RMDN2: variants seen among roughly 807,000 people sequenced by gnomAD.
RMDN2 encodes the protein regulator of microtubule dynamics protein 2.
Under a neutral mutation model 52.8 loss-of-function variants are expected in RMDN2, and 61 were observed. That is an observed-to-expected ratio of 1.16 (90% CI 0.94 to 1.43). The LOEUF is 1.43. Ranked by LOEUF, RMDN2 falls within the 40% of genes most tolerant of loss-of-function variation. RMDN2 has a pLI of 0.00. For synonymous variants in RMDN2, 180 were observed against 153.1 expected (o/e 1.18, Z -1.30); for missense variants, 592 against 475.3 (o/e 1.25, Z -2.28).
chr2:38,001,279 C>T (rs549232067), intron 8 of RMDN2, among the ~76,000 whole-genome samples: 40 of 152,294 alleles, frequency 2.6e-4, no homozygotes, highest in Admixed American at 6.5e-4. Flanking sequence ...ACTTGGATAG[C>T]CAAGACAAAT....
intron 10 of RMDN2, among the ~76,000 whole-genome samples, chr2:38,007,405 G>T (rs1325021849): frequency 6.6e-6 from 1 of 152,204 alleles, no homozygotes; most frequent in South Asian, 2.1e-4. Context: ...TCTGTTAAGA[G>T]ATTCAACTTC....
intron 4 of RMDN2, among the ~76,000 whole-genome samples, chr2:37,975,979 G>T (rs984303930): frequency 6.6e-6 from 1 of 152,170 alleles, no homozygotes; most frequent in Non-Finnish European, 1.5e-5. Flanking sequence ...ACAGGCAGAG[G>T]ACAAGTGTCT....
intron 2 of RMDN2, among the ~76,000 whole-genome samples, chr2:37,955,358 C>T (rs953865828): frequency 6.6e-6 from 1 of 151,988 alleles, no homozygotes; most frequent in African/African-American, 2.4e-5. Flanking sequence ...TATGTCGAAG[C>T]AGTTAATTTT....
At chr2:37,992,394 C>T (rs1402845188) in intron 7 of RMDN2, among the ~76,000 whole-genome samples, 1 of 152,194 alleles carries the variant, frequency 6.6e-6, no homozygotes, top group East Asian at 1.9e-4. Flanking sequence ...ATGATTACAA[C>T]ACTCAAATTT....
chr2:37,924,348 G>A (rs1231452331), upstream of RMDN2, among the ~76,000 whole-genome samples: 1 of 152,170 alleles, frequency 6.6e-6, no homozygotes, highest in African/African-American at 2.4e-5. Context: ...CTCAAGGTGC[G>A]GACAATACAG....
intron 2 of RMDN2, among the ~76,000 whole-genome samples, chr2:37,957,928 C>G (rs1669692679): frequency 6.6e-6 from 1 of 152,122 alleles, no homozygotes. Context: ...TTGTTTTTGT[C>G]AGGTTTGTCA....
intron 8 of RMDN2, among the ~76,000 whole-genome samples, chr2:37,998,885 G>A (rs1675936778): frequency 1.3e-5 from 2 of 152,080 alleles, no homozygotes; most frequent in Admixed American, 1.3e-4. Context: ...TATAAGTGAA[G>A]GCTAAGACTG....
At chr2:38,019,035 C>G (rs2125253577), downstream of RMDN2, among the ~76,000 whole-genome samples, 1 of 152,356 alleles carries the variant, frequency 6.6e-6, no homozygotes, top group South Asian at 2.1e-4. Flanking sequence ...TCACTTTGCT[C>G]TGACAACTGG....
At chr2:37,930,232 T>C (rs1666615140) in intron 2 of RMDN2, among the ~76,000 whole-genome samples, 1 of 152,244 alleles carries the variant, frequency 6.6e-6, no homozygotes, top group African/African-American at 2.4e-5. Flanking sequence ...TAATTGTAAT[T>C]AAATTTAAAT....
intron 2 of RMDN2, among the ~76,000 whole-genome samples, chr2:37,969,711 G>A (rs534171235): frequency 6.6e-6 from 1 of 152,018 alleles, no homozygotes; most frequent in African/African-American, 2.4e-5. Context: ...ATGTTGAATA[G>A]AAGAGCAATA....
intron 10 of RMDN2, among the ~76,000 whole-genome samples, chr2:38,023,178 A>G (rs1372622517): frequency 6.6e-6 from 1 of 152,250 alleles, no homozygotes; most frequent in African/African-American, 2.4e-5. Flanking sequence ...GGATATTTCC[A>G]TGCCTAACAC....
intron 10 of RMDN2, among the ~76,000 whole-genome samples, chr2:38,035,249 G>T (rs1680494091): frequency 6.6e-6 from 1 of 151,994 alleles, no homozygotes; most frequent in Non-Finnish European, 1.5e-5. Flanking sequence ...AAATATCTAG[G>T]AATAAATATA....
At chr2:38,056,836 G>A (rs1217698352) in intron 10 of RMDN2, among the ~76,000 whole-genome samples, 5 of 152,150 alleles carry the variant, frequency 3.3e-5, no homozygotes, top group Non-Finnish European at 7.4e-5. Context: ...TTTTGTTTTA[G>A]TTATGTTATT....
intron 2 of RMDN2, among the ~76,000 whole-genome samples, chr2:37,938,502 C>T (rs1189200237): frequency 6.6e-6 from 1 of 152,150 alleles, no homozygotes; most frequent in South Asian, 2.1e-4. Context: ...TGGTAGAATT[C>T]AGCTGTGAAT....
chr2:37,936,201 A>T (rs1034829980), intron 2 of RMDN2, among the ~76,000 whole-genome samples: 1 of 152,182 alleles, frequency 6.6e-6, no homozygotes, highest in Non-Finnish European at 1.5e-5. Flanking sequence ...TTCCAGCTTC[A>T]TCCGTGTCCC....
intron 10 of RMDN2, among the ~76,000 whole-genome samples, chr2:38,048,206 G>A (rs924052791): frequency 3.9e-5 from 6 of 152,222 alleles, no homozygotes; most frequent in Admixed American, 3.9e-4. Flanking sequence ...ACTTCTGTAT[G>A]TGCTACATTT....
At chr2:37,968,727 A>C (rs1671411640) in intron 2 of RMDN2, among the ~76,000 whole-genome samples, 1 of 152,314 alleles carries the variant, frequency 6.6e-6, no homozygotes, top group Non-Finnish European at 1.5e-5. Flanking sequence ...AGAAAAGTGC[A>C]TGTAGAACAA....
chr2:38,036,023 A>C (rs1172663256), intron 10 of RMDN2: 1 of 152,116 alleles, frequency 6.6e-6, no homozygotes, highest in African/African-American at 2.4e-5. Context: ...AACGAGGGCA[A>C]GTAGAAAAAA....
At chr2:37,973,074 T>TAGCTATACCTTTAG (rs1672010652) in intron 2 of RMDN2, among the ~76,000 whole-genome samples, 2 of 147,052 alleles carry the variant, frequency 1.4e-5, no homozygotes, top group African/African-American at 5.2e-5. Context: ...GTAGCAAAGG[T>TAGCTATACCTTTAG]ATAGCTATCT....
Sources: gnomAD v4.1 joint callset for allele counts (sites outside exome capture counted in the v4.1 genomes callset) on GRCh38, gnomAD v4.1.1 for gene constraint, MANE v1.5 for transcripts, NCBI Gene and HGNC (gene_info 2026-07-23, HGNC 2026-07-21) for gene names.